ZNF185: variants seen among roughly 807,000 people sequenced by gnomAD.
ZNF185 encodes the protein zinc finger protein 185.
In ZNF185, 56 loss-of-function variants were observed where a neutral mutation model predicts 58.6. That is an observed-to-expected ratio of 0.95 (90% CI 0.77 to 1.19). The LOEUF is 1.19. Ranked by LOEUF, ZNF185 falls within the 50% of genes most tolerant of loss-of-function variation. The pLI is 0.00. For synonymous variants in ZNF185, 230 were observed against 215.9 expected, an observed-to-expected ratio of 1.07 and a Z score of -0.57; for missense variants, 627 against 573.5, an observed-to-expected ratio of 1.09 and a Z score of -0.95.
At chrX:152,964,768 G>T (rs1183729838) in intron 18 of ZNF185, among the ~76,000 whole-genome samples, 1 of 110,714 alleles carries the variant, frequency 9.0e-6, no homozygotes, top group Non-Finnish European at 1.9e-5. Flanking sequence ...GTGTGTGTTG[G>T]GGGCGGGAGG....
intron 15 of ZNF185, among the ~76,000 whole-genome samples, chrX:152,938,990 G>A (rs1474052844): frequency 1.8e-5 from 2 of 110,507 alleles, no homozygotes; most frequent in Non-Finnish European, 3.8e-5. Context: ...ACCCTGAGGT[G>A]GGAACATGCT....
At chrX:152,933,074 C>T in intron 14 of ZNF185, 103 bp downstream of exon 15, 2 of 484,513 alleles carry the variant, frequency 4.1e-6, no homozygotes, top group South Asian at 3.6e-5. Flanking sequence ...CTGGTCACTT[C>T]CTATGGCTCC....
At chrX:152,965,517 C>T (rs782484033) in exon 19 of ZNF185, 24 of 1,182,174 alleles carry the variant, frequency 2.0e-5, no homozygotes, top group Non-Finnish European at 2.6e-5. Context: ...AGTATCTGCA[C>T]GCTATAGCAA....
chrX:152,911,249 A>G (rs144763700), upstream of ZNF185, among the ~76,000 whole-genome samples: 319 of 112,139 alleles, frequency 2.8e-3, 4 homozygotes, highest in African/African-American at 9.9e-3. Flanking sequence ...GCGGACCAGT[A>G]TAAGCTAAGG....
chrX:152,903,753 T>C, the ZNF185 span, among the ~76,000 whole-genome samples: 1 of 111,400 alleles, frequency 9.0e-6, no homozygotes, highest in Non-Finnish European at 1.9e-5. Context: ...TGTATCTGGC[T>C]CTCTGAGAAC....
At chrX:152,936,208 C>A (rs2046260898) in intron 14 of ZNF185, among the ~76,000 whole-genome samples, 1 of 112,879 alleles carries the variant, frequency 8.9e-6, no homozygotes, top group Non-Finnish European at 1.9e-5. Flanking sequence ...GATAGCAAAG[C>A]CATGATTTGC....
At chrX:152,961,643 A>G (rs1556910389) in intron 17 of ZNF185, among the ~76,000 whole-genome samples, 2 of 112,273 alleles carry the variant, frequency 1.8e-5, no homozygotes, top group Admixed American at 9.4e-5. Flanking sequence ...CACGATGGCT[A>G]AGGCCCCATC....
chrX:152,958,408 T>C (rs2049073226), intron 16 of ZNF185, among the ~76,000 whole-genome samples: 1 of 111,147 alleles, frequency 9.0e-6, no homozygotes, highest in Non-Finnish European at 1.9e-5. Context: ...GAAGTTCCAT[T>C]TTGACTACTA....
intron 14 of ZNF185, among the ~76,000 whole-genome samples, chrX:152,937,312 C>T (rs1386298044): frequency 8.9e-6 from 1 of 111,929 alleles, no homozygotes. Flanking sequence ...AACTAGCTTT[C>T]TCATTAGCAG....
exon 23 of ZNF185, chrX:152,972,242 A>C (rs116032256): frequency 8.9e-6 from 1 of 111,956 alleles, no homozygotes; most frequent in African/African-American, 3.3e-5. Context: ...CATTGCGCAG[A>C]ACGCTACAGA....
intron 11 of ZNF185, among the ~76,000 whole-genome samples, chrX:152,924,653 T>G (rs1556871438): frequency 1.8e-5 from 2 of 112,027 alleles, no homozygotes; most frequent in South Asian, 3.7e-4. Flanking sequence ...AATAAATGGT[T>G]TCAGGTGCCT....
At chrX:152,964,374 G>C (rs1347982346) in intron 18 of ZNF185, among the ~76,000 whole-genome samples, 3 of 112,529 alleles carry the variant, frequency 2.7e-5, no homozygotes, top group African/African-American at 6.5e-5. Context: ...GCACAAGCAT[G>C]GCACCAGCAG....
chrX:152,922,761 T>G, exon 11 of ZNF185: 2 of 1,201,490 alleles, frequency 1.7e-6, no homozygotes, highest in Non-Finnish European at 2.2e-6. Context: ...GCAATTTGGA[T>G]CGAGTGCCTG....
exon 11 of ZNF185, chrX:152,922,723 G>A (rs1556870318): frequency 4.2e-6 from 5 of 1,198,581 alleles, no homozygotes; most frequent in South Asian, 1.8e-5. Flanking sequence ...TTGCCAGTGC[G>A]GATGGAGGCA....
rs190116563 is a variant in ZNF185 at position 152,939,004 on chromosome X, C to T, written c.1211+841C>T. Among the ~76,000 whole-genome samples the T allele has an allele frequency of 1.1e-4, 12 of 110,926 alleles. No homozygotes were observed. The East Asian group carries it at 3.4e-3, about 32-fold the overall frequency. On this transcript the variant is annotated intron_variant, in intron 15 of 22. Coordinates refer to ENST00000449285, the Ensembl canonical transcript of ZNF185. Reference sequence around the variant, plus strand: ...AACCCTGAGGTGGGAACATGCTTAGCATGTTCCAAAGGACAGAGTGGCTGG... The same window carrying T: ...AACCCTGAGGTGGGAACATGCTTAGTATGTTCCAAAGGACAGAGTGGCTGG...
At chrX:152,930,700 G>A (rs1370467998) in intron 12 of ZNF185, among the ~76,000 whole-genome samples, 2 of 111,572 alleles carry the variant, frequency 1.8e-5, no homozygotes, top group African/African-American at 6.5e-5. Context: ...GCCAAAGGGA[G>A]GAGAAAAAGG....
At chrX:152,948,541 G>A (rs2048000023) in intron 16 of ZNF185, among the ~76,000 whole-genome samples, 1 of 111,987 alleles carries the variant, frequency 8.9e-6, no homozygotes, top group Admixed American at 9.5e-5. Flanking sequence ...CTGCTGAGGG[G>A]AACTGAGTGA....
At chrX:152,960,578 C>T (rs1215712427) in intron 17 of ZNF185, among the ~76,000 whole-genome samples, 1 of 112,127 alleles carries the variant, frequency 8.9e-6, no homozygotes, top group African/African-American at 3.2e-5. Flanking sequence ...GGATCCACAC[C>T]CAATTGTGAT....
chrX:152,964,202 A>G (rs1210926372), intron 18 of ZNF185, among the ~76,000 whole-genome samples: 2 of 112,859 alleles, frequency 1.8e-5, no homozygotes, highest in Non-Finnish European at 3.7e-5. Flanking sequence ...CTAGTGCACT[A>G]GTGGATGTGG....
Sources: allele counts gnomAD v4.1 joint callset (sites outside exome capture counted in the v4.1 genomes callset), GRCh38; gene constraint gnomAD v4.1.1; transcripts MANE v1.5; gene names NCBI Gene and HGNC (gene_info 2026-07-23, HGNC 2026-07-21).